KNL1: variants seen among roughly 807,000 people sequenced by gnomAD.
KNL1 encodes the protein outer kinetochore KNL1 complex subunit KNL1.
In KNL1, 66 loss-of-function variants were observed where a neutral mutation model predicts 201.3. The observed-to-expected ratio is 0.33, with a 90% CI of 0.27 to 0.40. KNL1 has a LOEUF of 0.40. Among genes scored for constraint, KNL1 ranks in the 10% least tolerant of loss-of-function variants. The probability of loss-of-function intolerance (pLI) is 1.00; values close to 1 mark genes in which losing one functional copy is unlikely to be tolerated. For synonymous variants in KNL1, 895 were observed against 899.2 expected, an observed-to-expected ratio of 1.00 and a Z score of 0.08; for missense variants, 2,815 against 2,690.5, an observed-to-expected ratio of 1.05 and a Z score of -1.02.
chr15:40,633,404 T>C (rs1291624831), intron 13 of KNL1, among the ~76,000 whole-genome samples: 1 of 152,142 alleles, frequency 6.6e-6, no homozygotes, highest in Admixed American at 6.5e-5. Context: ...CACATGTTTG[T>C]GGTGATGCTA....
At chr15:40,627,976 A>T in intron 10 of KNL1, 94 bp from the exon 11 acceptor site, 1 of 785,170 alleles carries the variant, frequency 1.3e-6, no homozygotes, top group Non-Finnish European at 1.9e-6. Context: ...ATTATAGATT[A>T]ATTGTATGTT....
At chr15:40,611,419 T>G (rs549841349) in intron 6 of KNL1, 59 bp from the exon 7 acceptor site, 199 of 191,874 alleles carry the variant, frequency 1.0e-3, no homozygotes, top group African/African-American at 4.6e-3. Context: ...CCTTAAGTAA[T>G]TTTTCTAATG....
At chr15:40,639,900 C>A (rs1363877866) in intron 13 of KNL1, among the ~76,000 whole-genome samples, 4 of 151,748 alleles carry the variant, frequency 2.6e-5, no homozygotes, top group Non-Finnish European at 5.9e-5. Flanking sequence ...CATAGCAAGA[C>A]CCCATCTCTA....
In KNL1 at chr15:40,652,082, C is replaced by T. The variant is rs1893582619; in HGVS notation, c.6392C>T (p.Thr2131Ile). 6.2e-7 allele frequency: 1 copy of T among 1,612,954 alleles called. No individual in the cohort carries two copies. Among genetic ancestry groups the T allele is most frequent in the Non-Finnish European group, 8.5e-7 (1 of 1,179,106 alleles). Reference protein sequence around the residue: ...FTFVYDTIQLTITFEESVVGF... With the variant: ...FTFVYDTIQLIITFEESVVGF... ...TTTGTTTATGACACGATACAACTCACCATCACCTTTGAAGAGTCAGTTGGT... is the reference window on the plus strand; with the variant it reads ...TTTGTTTATGACACGATACAACTCATCATCACCTTTGAAGAGTCAGTTGGT... The change falls in exon 21 of 26, where the codon ACC becomes ATC. Residue 2131 changes from threonine to isoleucine, a missense_variant. Physicochemically the swap from Thr to Ile is moderately conservative, Grantham distance 89. Coordinates refer to ENST00000399668, the MANE Select transcript of KNL1 (RefSeq NM_144508.5).
chr15:40,659,892 TTATGTGTG>T (rs1457942123), intron 25 of KNL1, among the ~76,000 whole-genome samples: 2 of 120,184 alleles, frequency 1.7e-5, no homozygotes, highest in Non-Finnish European at 3.7e-5. Flanking sequence ...TTTGAAGAAT[TTATGTGTG>T]TGTGTGTGTG....
intron 13 of KNL1, among the ~76,000 whole-genome samples, chr15:40,637,901 G>A (rs1041675873): frequency 3.9e-5 from 6 of 151,912 alleles, no homozygotes; most frequent in African/African-American, 9.7e-5. Context: ...TACTTAGCTG[G>A]GCATGGTGGC....
rs763228489 is a variant in KNL1 at position 40,620,784 on chromosome 15, TCCA to T, written c.524_526del (p.Thr175del). 3 of 1,613,320 alleles carry T rather than the reference TCCA, an allele frequency of 1.9e-6. No individual in the cohort carries two copies. The highest frequency in any genetic ancestry group is 2.5e-6 in the Non-Finnish European group (3 of 1,179,770). ...TTTAGATAATCCCATAAGTGAAAAG[TCCA>T]CCAAGATAGATACCACATCATTTCT... On this transcript the variant is annotated inframe_deletion, in exon 10 of 26. Transcript: ENST00000399668.
chr15:40,662,582 G>A lies in KNL1; in HGVS notation c.*394G>A, dbSNP rs1449719434. The A allele has an allele frequency of 9.3e-6, 2 of 215,806 alleles. No homozygotes were observed. The highest frequency in any genetic ancestry group is 5.8e-5 in the Admixed American group (1 of 17,174). 13.4% of individuals were successfully genotyped at this position (215,806 alleles called of 1,614,324 possible). A position where few individuals can be genotyped will look rare whatever the true frequency, so the allele number is the denominator to read the frequency against. On this transcript the variant is annotated 3_prime_UTR_variant, in exon 26 of 26. Coordinates refer to ENST00000399668, the MANE Select transcript of KNL1 (RefSeq NM_144508.5). The stretch of plus-strand genomic sequence containing the variant: ...GAGCTATGATTTTTTAGGTTGCCTG[G>A]CTTCTGCCTAGCAGATATTTCTGGA...
Position 40,608,798 on chromosome 15 carries a change from A to G in KNL1, c.136-49A>G, listed in dbSNP as rs1257667900. 6.0e-6 allele frequency: 8 copies of G among 1,329,002 alleles called. 1 individual carries two copies. The highest frequency in any genetic ancestry group is 1.8e-5 in the Admixed American group (1 of 56,928). The allele number at this position is 1,329,002 out of a possible 1,614,324, so 82.3% of individuals were successfully genotyped here. ...CTGTCTATAGTACTCTGGAGATGTA[A>G]TTCACAGTGATTTTATTAAGAATTA... On this transcript the variant is annotated intron_variant, in intron 4 of 25. Transcript: ENST00000399668.
At chr15:40,620,219 T>TC (rs1319261213) in intron 9 of KNL1, among the ~76,000 whole-genome samples, 1 of 60,278 alleles carries the variant, frequency 1.7e-5, no homozygotes, top group Non-Finnish European at 4.7e-5. Flanking sequence ...TAGAATAATT[T>TC]TTTTTTTTTT....
intron 3 of KNL1, among the ~76,000 whole-genome samples, chr15:40,605,479 T>G (rs771320497): frequency 6.6e-6 from 1 of 152,070 alleles, no homozygotes; most frequent in Non-Finnish European, 1.5e-5. Flanking sequence ...TGAGATAGAG[T>G]CTCGCTCTGT....
intron 22 of KNL1, among the ~76,000 whole-genome samples, chr15:40,655,217 G>A (rs371255068): frequency 1.3e-5 from 2 of 152,170 alleles, no homozygotes; most frequent in East Asian, 1.9e-4. Context: ...AGAATCACTT[G>A]AACCTGGGAG....
intron 14 of KNL1, among the ~76,000 whole-genome samples, chr15:40,644,093 C>T (rs1227515435): frequency 6.6e-6 from 1 of 152,174 alleles, no homozygotes; most frequent in Admixed American, 6.5e-5. Context: ...ATACCAAGGA[C>T]CTGCACTGGC....
intron 6 of KNL1, chr15:40,610,818 A>G (rs1892130194): frequency 2.2e-6 from 1 of 455,268 alleles, no homozygotes; most frequent in African/African-American, 2.0e-5. Context: ...CAATGGTGCC[A>G]TCTCAGCTGC....
In KNL1 at chr15:40,657,372, A is replaced by G. The variant is rs780068684; in HGVS notation, c.6612A>G (p.Ser2204=). The G allele has an allele frequency of 6.2e-7, 1 of 1,603,118 alleles. No homozygotes were observed. The highest frequency in any genetic ancestry group is 1.1e-5 in the South Asian group (1 of 90,542). ...HQLPKMLEEF[S]LVVHHCRLLG... Reference sequence around the variant, plus strand: ...TTTTCTAGATGCTTGAAGAATTCTCACTGGTAGTGCACCATTGCAGACTCC... The same window carrying G: ...TTTTCTAGATGCTTGAAGAATTCTCGCTGGTAGTGCACCATTGCAGACTCC... The change falls in exon 24 of 26, where the codon TCA becomes TCG. Residue 2204 remains serine, a synonymous_variant. Transcript: ENST00000399668.
rs573487717 is a variant in KNL1 at position 40,635,188 on chromosome 15, A to G, written c.5683-5724A>G. ...CTCAGCCTCCCGAGTAGCTGGGACT[A>G]CAGGCACCTGCCACCATGCCCGACT... On this transcript the variant is annotated intron_variant, in intron 13 of 25. Transcript: ENST00000399668. 4.6e-5 allele frequency among the ~76,000 whole-genome samples: 7 copies of G among 151,434 alleles called. No homozygotes were observed. The South Asian group carries it at 1.3e-3, about 27-fold the overall frequency.
chr15:40,650,273 T>C lies in KNL1; in HGVS notation c.6095-28T>C, dbSNP rs773454932. 2.0e-4 allele frequency: 280 copies of C among 1,392,068 alleles called. 5 individuals are homozygous for C. The South Asian group carries it at 3.2e-3, about 16-fold the overall frequency. The allele number at this position is 1,392,068 out of a possible 1,614,324, so 86.2% of individuals were successfully genotyped here. A position where few individuals can be genotyped will look rare whatever the true frequency, so the allele number is the denominator to read the frequency against. On this transcript the variant is annotated intron_variant, in intron 17 of 25. Transcript: ENST00000399668. ...TCTTTTTTTACTATTTTTCACTGAA[T>C]TATTCTAACAAATACTGTCTACTTT...
intron 17 of KNL1, among the ~76,000 whole-genome samples, chr15:40,648,335 G>A (rs557385229): frequency 2.0e-5 from 3 of 152,296 alleles, no homozygotes; most frequent in African/African-American, 7.2e-5. Context: ...GGGAGGCTGA[G>A]GCAGGAAGAT....
At chr15:40,645,108 G>C (rs1489570324) in intron 15 of KNL1, 21 bp downstream of exon 15, 1 of 1,483,752 alleles carries the variant, frequency 6.7e-7, no homozygotes, top group South Asian at 1.1e-5. Context: ...CTCATTTTCT[G>C]AATGAGAATC....
Sources: gnomAD v4.1 joint callset for allele counts (sites outside exome capture counted in the v4.1 genomes callset) on GRCh38, gnomAD v4.1.1 for gene constraint, MANE v1.5 for transcripts, NCBI Gene and HGNC (gene_info 2026-07-23, HGNC 2026-07-21) for gene names.